The following ZCCHC14 variants were observed in gnomAD, a reference collection of about 807,000 sequenced individuals.
The protein encoded by ZCCHC14 is zinc finger CCHC-type containing 14.
ZCCHC14 carries 16 observed loss-of-function variants against 85.0 expected under a neutral mutation model. The observed-to-expected ratio is 0.19, with a 90% CI of 0.13 to 0.29. The LOEUF is 0.29. Ranked by LOEUF, ZCCHC14 falls within the 10% of genes least tolerant of loss-of-function variation. ZCCHC14 has a pLI of 1.00. For missense variants in ZCCHC14, 1,303 were observed against 1,443.5 expected, an observed-to-expected ratio of 0.90 and a Z score of 1.58; for synonymous variants, 775 against 630.7, an observed-to-expected ratio of 1.23 and a Z score of -3.43.
chr16:87,468,089 G>T (rs28503604), intron 1 of ZCCHC14, among the ~76,000 whole-genome samples: 2 of 151,990 alleles, frequency 1.3e-5, no homozygotes, highest in Admixed American at 1.3e-4. Flanking sequence ...TCTTAAGAAT[G>T]GTACATTTAA....
intron 3 of ZCCHC14, among the ~76,000 whole-genome samples, chr16:87,425,916 T>G (rs1051656413): frequency 6.6e-6 from 1 of 152,252 alleles, no homozygotes; most frequent in Non-Finnish European, 1.5e-5. Context: ...CGATTAAACA[T>G]GGTATGGACA....
chr16:87,440,779 G>GT (rs1251132005), intron 2 of ZCCHC14, among the ~76,000 whole-genome samples: 21 of 151,128 alleles, frequency 1.4e-4, no homozygotes, highest in African/African-American at 4.6e-4. Flanking sequence ...GCCGATTTTT[G>GT]TATTTTTTTT....
At chr16:87,490,100 TAAAA>T (rs1912684627) in intron 1 of ZCCHC14, among the ~76,000 whole-genome samples, 1 of 152,046 alleles carries the variant, frequency 6.6e-6, no homozygotes, top group African/African-American at 2.4e-5. Context: ...GAGCCGAACT[TAAAA>T]AGAAAACTAT....
chr16:87,423,774 TC>T (rs1168630595), intron 4 of ZCCHC14, 35 bp downstream of exon 4: 10 of 1,607,932 alleles, frequency 6.2e-6, no homozygotes, highest in Non-Finnish European at 8.5e-6. Context: ...GGAATGTGAT[TC>T]TTTTAATTTT....
intron 3 of ZCCHC14, among the ~76,000 whole-genome samples, chr16:87,429,366 A>G (rs1909534141): frequency 6.6e-6 from 1 of 151,848 alleles, no homozygotes; most frequent in Non-Finnish European, 1.5e-5. Flanking sequence ...CTTTGTGGAG[A>G]CAGGGTCTCA....
intron 2 of ZCCHC14, among the ~76,000 whole-genome samples, chr16:87,452,512 G>C (rs761264004): frequency 1.3e-5 from 2 of 152,104 alleles, no homozygotes; most frequent in African/African-American, 4.8e-5. Flanking sequence ...GGGTACAGAA[G>C]AGCGCTATCG....
Position 87,492,867 on chromosome 16 carries a change from G to A in ZCCHC14, c.-629C>T, listed in dbSNP as rs1049731465. Among the ~76,000 whole-genome samples the A allele has an allele frequency of 6.7e-6, 1 of 148,524 alleles. No individual in the cohort carries two copies. The highest frequency in any genetic ancestry group is 2.4e-5 in the African/African-American group (1 of 40,994). On this transcript the variant is annotated 5_prime_UTR_variant, in exon 1 of 13. Transcript: ENST00000671377. This position sits in a 1 kb window ranked among gnomAD's most constrained non-coding sequence, Gnocchi z 6.7. ...GGAGGGATCCGGCCGGGACTTGCCGGCCTTGCTGCTCCCGCGCGGCGGACG... is the reference window on the plus strand; with the variant it reads ...GGAGGGATCCGGCCGGGACTTGCCGACCTTGCTGCTCCCGCGCGGCGGACG...
intron 7 of ZCCHC14, among the ~76,000 whole-genome samples, 153 bp downstream of exon 7, chr16:87,418,694 G>A (rs969433689): frequency 4.6e-5 from 7 of 152,108 alleles, no homozygotes; most frequent in African/African-American, 1.4e-4. Flanking sequence ...TTTGGAAATC[G>A]TAAATTCAAT....
chr16:87,455,644 G>A (rs1472578484), intron 2 of ZCCHC14, among the ~76,000 whole-genome samples: 4 of 152,186 alleles, frequency 2.6e-5, no homozygotes, highest in Non-Finnish European at 4.4e-5. Flanking sequence ...ATCAGAATCC[G>A]TGGCTGAGGA....
chr16:87,428,054 T>G (rs1443463831), intron 3 of ZCCHC14, among the ~76,000 whole-genome samples: 1 of 151,736 alleles, frequency 6.6e-6, no homozygotes, highest in Non-Finnish European at 1.5e-5. Flanking sequence ...TGACTTTATA[T>G]CAAAAAGGTT....
intron 1 of ZCCHC14, chr16:87,467,646 G>C: frequency 1.0e-6 from 1 of 954,068 alleles, no homozygotes; most frequent in Non-Finnish European, 1.7e-6. Context: ...GAATTTCCCT[G>C]GTCGAACGGT....
chr16:87,484,282 G>C (rs528009010), intron 1 of ZCCHC14, among the ~76,000 whole-genome samples: 1 of 152,348 alleles, frequency 6.6e-6, no homozygotes, highest in Non-Finnish European at 1.5e-5. Flanking sequence ...TGTGGGAGAA[G>C]GGACTTTCCA....
At chr16:87,426,952 A>C (rs1367177355) in intron 3 of ZCCHC14, among the ~76,000 whole-genome samples, 1 of 152,266 alleles carries the variant, frequency 6.6e-6, no homozygotes, top group African/African-American at 2.4e-5. Context: ...GCTCAACTAA[A>C]GGCAGGAAGA....
intron 1 of ZCCHC14, among the ~76,000 whole-genome samples, chr16:87,461,288 C>T (rs1158173471): frequency 6.6e-6 from 1 of 152,194 alleles, no homozygotes; most frequent in Non-Finnish European, 1.5e-5. Flanking sequence ...AGGGGGGTAG[C>T]AATAACCTTC....
intron 1 of ZCCHC14, among the ~76,000 whole-genome samples, chr16:87,478,358 T>C (rs1039592658): frequency 6.6e-6 from 1 of 152,144 alleles, no homozygotes; most frequent in African/African-American, 2.4e-5. Flanking sequence ...GCGAAACTGA[T>C]CAGTGGTGGA....
chr16:87,438,541 T>C (rs368079180), intron 2 of ZCCHC14, among the ~76,000 whole-genome samples: 2 of 152,336 alleles, frequency 1.3e-5, no homozygotes, highest in African/African-American at 4.8e-5. Flanking sequence ...ATTCATTGAG[T>C]AACTAAGGTC....
intron 1 of ZCCHC14, among the ~76,000 whole-genome samples, chr16:87,464,034 T>C (rs544357213): frequency 2.0e-5 from 3 of 152,172 alleles, no homozygotes; most frequent in Non-Finnish European, 4.4e-5. Context: ...ACTTTGCTGG[T>C]AGTGGCAAAC....
At position 87,420,384 on chromosome 16, in the gene ZCCHC14, C is replaced by T. The variant is rs1264522257; in HGVS notation, c.950+223G>A. On this transcript the variant is annotated intron_variant, in intron 5 of 12. Coordinates refer to ENST00000671377, the MANE Select transcript of ZCCHC14 (RefSeq NM_015144.3). This position sits in a 1 kb window ranked among gnomAD's most constrained non-coding sequence, Gnocchi z 5.0. ...TGCCAAAGCCCAAGACGTGGTGGGA[C>T]CCACCCTGGAATTCCCTTCCTCACA... Among the ~76,000 whole-genome samples, 1 of 152,176 alleles carries T rather than the reference C, an allele frequency of 6.6e-6. No homozygotes were observed. The highest frequency in any genetic ancestry group is 1.5e-5 in the Non-Finnish European group (1 of 68,038).
chr16:87,449,535 C>G (rs979411528), intron 2 of ZCCHC14, among the ~76,000 whole-genome samples: 5 of 152,078 alleles, frequency 3.3e-5, no homozygotes, highest in Non-Finnish European at 7.4e-5. Flanking sequence ...AGAGCAAACC[C>G]CAATCCCTTT....
Sources: allele counts gnomAD v4.1 joint callset (sites outside exome capture counted in the v4.1 genomes callset), GRCh38; gene constraint gnomAD v4.1.1; non-coding constraint Gnocchi (gnomAD v3.1); transcripts MANE v1.5; gene names NCBI Gene and HGNC (gene_info 2026-07-23, HGNC 2026-07-21).